ADGRD1: variants seen among roughly 807,000 people sequenced by gnomAD.
ADGRD1 encodes G-protein coupled receptor 133.
Under a neutral mutation model 113.4 loss-of-function variants are expected in ADGRD1, and 77 were observed. That is an observed-to-expected ratio of 0.68 (90% CI 0.57 to 0.82). The LOEUF is 0.82. ADGRD1 is among the 40% of genes least tolerant of loss of function. The pLI, the probability that ADGRD1 is intolerant of heterozygous loss-of-function variation, is 0.00. For missense variants in ADGRD1, 1,036 were observed against 1,139.1 expected (o/e 0.91, Z 1.30); for synonymous variants, 474 against 475.0 (o/e 1.00, Z 0.03).
At position 131,104,713 on chromosome 12, in the gene ADGRD1, G is replaced by T. The variant is rs574944256; in HGVS notation, c.1672-118G>T. ...GACATTTGGGCTGGGAGGCAGGCTT[G>T]GTGGTCAGCACCACACTCACAGGGG... On this transcript the variant is annotated intron_variant, in intron 15 of 24. Coordinates refer to ENST00000261654, the MANE Select transcript of ADGRD1 (RefSeq NM_198827.5). 4.9e-6 allele frequency: 3 copies of T among 615,110 alleles called. No individual in the cohort carries two copies. In the Admixed American group the frequency reaches 9.5e-5, roughly 19 times the overall value. The allele number at this position is 615,110 out of a possible 1,614,324, so 38.1% of individuals were successfully genotyped here.
chr12:131,068,480 A>G (rs1884900174), intron 13 of ADGRD1, among the ~76,000 whole-genome samples: 1 of 152,162 alleles, frequency 6.6e-6, no homozygotes, highest in African/African-American at 2.4e-5. Flanking sequence ...TGGTACCATG[A>G]TGACTTTTCC....
rs528915091 is a variant in ADGRD1 at position 130,965,793 on chromosome 12, G to A, written c.104-670G>A. On this transcript the variant is annotated intron_variant, in intron 2 of 24. Transcript: ENST00000261654. The surrounding 1 kb of genome is among the most constrained non-coding windows in gnomAD (Gnocchi z 4.8). Reference sequence around the variant, plus strand: ...TACTCAAAGTATAAGGATCACGAAGGAAATTTCAAACTGAGTAATGCTTAG... The same window carrying A: ...TACTCAAAGTATAAGGATCACGAAGAAAATTTCAAACTGAGTAATGCTTAG... 1.2e-4 allele frequency among the ~76,000 whole-genome samples: 19 copies of A among 152,344 alleles called. No individual in the cohort carries two copies. Among genetic ancestry groups the A allele is most frequent in the African/African-American group, 4.6e-4 (19 of 41,586 alleles).
intron 13 of ADGRD1, among the ~76,000 whole-genome samples, chr12:131,042,128 A>T (rs540082939): frequency 2.6e-5 from 4 of 152,310 alleles, no homozygotes; most frequent in South Asian, 2.1e-4. Flanking sequence ...CCACAGGGAT[A>T]TTTTTTTACA....
In ADGRD1 at chr12:131,015,436, A is replaced by T. The variant is rs865935764; in HGVS notation, c.1473+1096A>T. 4.6e-5 allele frequency among the ~76,000 whole-genome samples: 7 copies of T among 150,870 alleles called. No homozygotes were observed. In the South Asian group the frequency reaches 1.1e-3, roughly 23 times the overall value. On this transcript the variant is annotated intron_variant, in intron 13 of 24. Coordinates refer to ENST00000261654, the MANE Select transcript of ADGRD1 (RefSeq NM_198827.5). ...GAGATGGAGACGGGACTGGATATAGAGATGGAGATGGAGAGGGGACTGGAG... is the reference window on the plus strand; with the variant it reads ...GAGATGGAGACGGGACTGGATATAGTGATGGAGATGGAGAGGGGACTGGAG...
rs904889432 is a variant in ADGRD1 at position 130,965,059 on chromosome 12, C to G, written c.104-1404C>G. On this transcript the variant is annotated intron_variant, in intron 2 of 24. Coordinates refer to ENST00000261654, the MANE Select transcript of ADGRD1 (RefSeq NM_198827.5). The surrounding 1 kb of genome is among the most constrained non-coding windows in gnomAD (Gnocchi z 4.8). ...TGAATCCTTCATGCATTCGAGGGTG[C>G]TTTCACATCCCTCAGAATTATTATT... Among the ~76,000 whole-genome samples, 1 of 152,178 alleles carries G rather than the reference C, an allele frequency of 6.6e-6. No individual in the cohort carries two copies. Among genetic ancestry groups the G allele is most frequent in the Non-Finnish European group, 1.5e-5 (1 of 68,028 alleles).
rs73164876 is a variant in ADGRD1, at chr12:130,974,256, G to A, written c.310+2676G>A. On this transcript the variant is annotated intron_variant, in intron 4 of 24. Coordinates refer to ENST00000261654, the MANE Select transcript of ADGRD1 (RefSeq NM_198827.5). The stretch of plus-strand genomic sequence containing the variant: ...CAGCATTTTCCAAATTAAAGTCCCT[G>A]TAGCAGGAGGCAGAGGAGGCCTTCT... Among the ~76,000 whole-genome samples the A allele has an allele frequency of 4.3e-3, 655 of 152,312 alleles. 4 individuals are homozygous for A. Among genetic ancestry groups the A allele is most frequent in the Middle Eastern group, 0.037 (11 of 294 alleles).
intron 8 of ADGRD1, among the ~76,000 whole-genome samples, chr12:130,997,082 G>T (rs867433986): frequency 7.5e-6 from 1 of 132,880 alleles, no homozygotes; most frequent in South Asian, 2.5e-4. Context: ...CAGTAGGGGC[G>T]GCCGGGCAGA....
At chr12:130,979,817 T>TCACACACACA (rs10526212) in intron 4 of ADGRD1, among the ~76,000 whole-genome samples, 2,244 of 53,732 alleles carry the variant, frequency 0.042, 26 homozygotes, top group Non-Finnish European at 0.091. Context: ...AGCTAGTGTC[T>TCACACACACA]CACACACACA....
At chr12:131,034,868 G>A (rs1340069282) in intron 13 of ADGRD1, among the ~76,000 whole-genome samples, 5 of 152,174 alleles carry the variant, frequency 3.3e-5, no homozygotes, top group South Asian at 2.1e-4. Context: ...ACACAGGGCC[G>A]CTCTTGCCTG....
In ADGRD1 at chr12:130,954,461, G is replaced by C; in HGVS notation, c.-5G>C. ...TGGCTCCGAGCTTTGACCTCCGAGA[G>C]AGCCATGGAAAAGCTGCTGCGGCTG... On this transcript the variant is annotated 5_prime_UTR_variant, in exon 1 of 25. Transcript: ENST00000261654. The surrounding 1 kb of genome is among the most constrained non-coding windows in gnomAD (Gnocchi z 4.7). 6.5e-7 allele frequency: 1 copy of C among 1,541,036 alleles called. No homozygotes were observed.
At chr12:131,127,219 G>A (rs1353246380) in intron 20 of ADGRD1, among the ~76,000 whole-genome samples, 1 of 152,224 alleles carries the variant, frequency 6.6e-6, no homozygotes, top group Non-Finnish European at 1.5e-5. Flanking sequence ...AACACTTAGA[G>A]TGCATCTTAA....
At position 131,054,173 on chromosome 12, in the gene ADGRD1, G is replaced by C. The variant is rs148883620; in HGVS notation, c.1474-22628G>C. On this transcript the variant is annotated intron_variant, in intron 13 of 24. Transcript: ENST00000261654. ...AAAAAAATAAATGCACATGTGTAAAGTGTTCAAAGCATTTACCCATAAAAC... is the reference window on the plus strand; with the variant it reads ...AAAAAAATAAATGCACATGTGTAAACTGTTCAAAGCATTTACCCATAAAAC... 2.3e-3 allele frequency among the ~76,000 whole-genome samples: 357 copies of C among 152,296 alleles called. 2 individuals carry two copies. The highest frequency in any genetic ancestry group is 8.1e-3 in the African/African-American group (337 of 41,544).
intron 13 of ADGRD1, among the ~76,000 whole-genome samples, chr12:131,044,804 G>A (rs544932420): frequency 3.3e-5 from 5 of 152,376 alleles, no homozygotes; most frequent in Non-Finnish European, 7.3e-5. Flanking sequence ...CGCTCTGGGA[G>A]ACTTCCTTCC....
chr12:131,043,837 C>T (rs1481568357), intron 13 of ADGRD1, among the ~76,000 whole-genome samples: 1 of 152,188 alleles, frequency 6.6e-6, no homozygotes, highest in Non-Finnish European at 1.5e-5. Flanking sequence ...TGAGTGGCTT[C>T]TTGGATAATT....
At chr12:131,029,262 G>A (rs903129027) in intron 13 of ADGRD1, among the ~76,000 whole-genome samples, 10 of 152,174 alleles carry the variant, frequency 6.6e-5, no homozygotes, top group East Asian at 1.9e-4. Context: ...TAGTCAGTGC[G>A]GATGAACACT....
At chr12:131,083,033 A>C (rs1886187164) in intron 14 of ADGRD1, among the ~76,000 whole-genome samples, 1 of 152,192 alleles carries the variant, frequency 6.6e-6, no homozygotes, top group African/African-American at 2.4e-5. Context: ...TGCGTGTTCC[A>C]TCTGGTAGAC....
At chr12:131,055,326 A>G (rs1443098235) in intron 13 of ADGRD1, among the ~76,000 whole-genome samples, 2 of 151,956 alleles carry the variant, frequency 1.3e-5, no homozygotes, top group African/African-American at 4.8e-5. Context: ...CGTCTGGTTG[A>G]TTCAGTTGAT....
rs952479666 is a variant in ADGRD1 at position 131,041,971 on chromosome 12, C to A, written c.1473+27631C>A. 6.6e-6 allele frequency among the ~76,000 whole-genome samples: 1 copy of A among 152,066 alleles called. No homozygotes were observed. Among genetic ancestry groups the A allele is most frequent in the Non-Finnish European group, 1.5e-5 (1 of 68,008 alleles). On this transcript the variant is annotated intron_variant, in intron 13 of 24. Coordinates refer to ENST00000261654, the MANE Select transcript of ADGRD1 (RefSeq NM_198827.5). This position sits in a 1 kb window ranked among gnomAD's most constrained non-coding sequence, Gnocchi z 4.4. ...AGGCGCCGATGACCTAGGGTTCCTT[C>A]GCAGTCGGGTTTGTTATCCGAGTCC...
chr12:131,099,577 C>T (rs1045836742), intron 15 of ADGRD1, among the ~76,000 whole-genome samples: 2 of 152,204 alleles, frequency 1.3e-5, no homozygotes, highest in Admixed American at 6.5e-5. Context: ...TTCTTGATCC[C>T]TCCTGAAGTC....
Sources: allele counts gnomAD v4.1 joint callset (sites outside exome capture counted in the v4.1 genomes callset), GRCh38; gene constraint gnomAD v4.1.1; non-coding constraint Gnocchi (gnomAD v3.1); transcripts MANE v1.5; gene names NCBI Gene and HGNC (gene_info 2026-07-23, HGNC 2026-07-21).